DNAJC5B: variants seen among roughly 807,000 people sequenced by gnomAD.
DNAJC5B encodes dnaJ homolog subfamily C member 5B.
Under a neutral mutation model 24.7 loss-of-function variants are expected in DNAJC5B, and 23 were observed. The observed-to-expected ratio is 0.93, with a 90% CI of 0.67 to 1.32. DNAJC5B has a LOEUF of 1.32. Among genes scored for constraint, DNAJC5B ranks in the 40% most tolerant of loss-of-function variants. DNAJC5B has a pLI of 0.00. For synonymous variants in DNAJC5B, 101 were observed against 90.1 expected, an observed-to-expected ratio of 1.12 and a Z score of -0.68; for missense variants, 238 against 240.8, an observed-to-expected ratio of 0.99 and a Z score of 0.08.
intron 5 of DNAJC5B, among the ~76,000 whole-genome samples, chr8:66,086,976 T>TA (rs1229980732): frequency 1.3e-5 from 2 of 152,090 alleles, no homozygotes; most frequent in Non-Finnish European, 2.9e-5. Context: ...CTTACTATAC[T>TA]AAAAAATAAG....
At chr8:66,065,243 T>C (rs1188648592) in intron 3 of DNAJC5B, among the ~76,000 whole-genome samples, 5 of 152,206 alleles carry the variant, frequency 3.3e-5, no homozygotes, top group Admixed American at 6.5e-5. Flanking sequence ...GGTGACTGCA[T>C]CCCAGAAAAT....
intron 3 of DNAJC5B, among the ~76,000 whole-genome samples, chr8:66,053,747 G>A (rs192160003): frequency 2.6e-5 from 4 of 151,296 alleles, no homozygotes; most frequent in Admixed American, 6.6e-5. Flanking sequence ...CTCCTGCTTC[G>A]GTCTCCCGAG....
intron 3 of DNAJC5B, among the ~76,000 whole-genome samples, chr8:66,070,973 T>C (rs1279036808): frequency 6.6e-6 from 1 of 152,132 alleles, no homozygotes; most frequent in Non-Finnish European, 1.5e-5. Context: ...ATTTAATAAA[T>C]CGTGTTGGGA....
upstream of DNAJC5B, among the ~76,000 whole-genome samples, chr8:66,017,538 T>C (rs889728639): frequency 3.9e-5 from 6 of 152,250 alleles, no homozygotes; most frequent in African/African-American, 1.4e-4. Context: ...CGAATTTAGA[T>C]GTACTTTTTC....
chr8:66,036,172 G>A (rs1806480123), intron 1 of DNAJC5B, among the ~76,000 whole-genome samples: 1 of 152,182 alleles, frequency 6.6e-6, no homozygotes, highest in Non-Finnish European at 1.5e-5. Flanking sequence ...CTGAGAGGTG[G>A]AGGACATCTC....
chr8:66,038,039 G>A (rs1291161683), intron 1 of DNAJC5B, among the ~76,000 whole-genome samples: 1 of 152,218 alleles, frequency 6.6e-6, no homozygotes, highest in Non-Finnish European at 1.5e-5. Context: ...ACCTGGCCAC[G>A]AGGGGGTTCC....
At chr8:66,092,719 T>G (rs1205770628) in intron 5 of DNAJC5B, among the ~76,000 whole-genome samples, 2 of 152,188 alleles carry the variant, frequency 1.3e-5, no homozygotes, top group Admixed American at 6.5e-5. Flanking sequence ...GCATATTGCT[T>G]GGTTTTCCCT....
Position 66,100,272 on chromosome 8 carries a change from CT to C in DNAJC5B, c.*242del. 2.4e-6 allele frequency: 1 copy of C among 412,552 alleles called. No individual in the cohort carries two copies. The highest frequency in any genetic ancestry group is 4.4e-6 in the Non-Finnish European group (1 of 226,764). The allele number at this position is 412,552 out of a possible 1,614,324, so 25.6% of individuals were successfully genotyped here. On this transcript the variant is annotated 3_prime_UTR_variant, in exon 6 of 6. Transcript: ENST00000276570. ...TAAAGGCCTGAAGAGTTATTTTACCCTCCTTGCCTGATGTAGGACAGTGGAA... is the reference window on the plus strand; with the variant it reads ...TAAAGGCCTGAAGAGTTATTTTACCCCCTTGCCTGATGTAGGACAGTGGAA...
At chr8:66,096,846 A>G (rs1769795092) in intron 5 of DNAJC5B, among the ~76,000 whole-genome samples, 1 of 152,124 alleles carries the variant, frequency 6.6e-6, no homozygotes, top group Non-Finnish European at 1.5e-5. Context: ...ATTATCTTCA[A>G]TATAATGTAC....
chr8:66,048,318 G>A (rs1806768339), intron 2 of DNAJC5B, among the ~76,000 whole-genome samples: 1 of 152,198 alleles, frequency 6.6e-6, no homozygotes, highest in Non-Finnish European at 1.5e-5. Flanking sequence ...TGGGGTTGGG[G>A]GAAAGGGCAG....
chr8:66,086,219 T>C (rs1462837969), intron 5 of DNAJC5B, among the ~76,000 whole-genome samples: 2 of 152,208 alleles, frequency 1.3e-5, no homozygotes, highest in Admixed American at 6.5e-5. Flanking sequence ...CAGACAATTA[T>C]ATCATCTACA....
upstream of DNAJC5B, among the ~76,000 whole-genome samples, chr8:66,017,528 C>T (rs1805987052): frequency 6.6e-6 from 1 of 152,160 alleles, no homozygotes. Flanking sequence ...TAAAAAGACC[C>T]GAATTTAGAT....
At chr8:66,053,317 C>T (rs990932126) in intron 3 of DNAJC5B, among the ~76,000 whole-genome samples, 4 of 152,122 alleles carry the variant, frequency 2.6e-5, no homozygotes, top group African/African-American at 7.2e-5. Flanking sequence ...TTGTGATACT[C>T]TACCAGGAAG....
At chr8:66,021,347 T>C (rs1453574061), upstream of DNAJC5B, among the ~76,000 whole-genome samples, 2 of 152,170 alleles carry the variant, frequency 1.3e-5, no homozygotes, top group Admixed American at 1.3e-4. Context: ...GCAAAGGGAT[T>C]CTTCCCTGAG....
chr8:66,056,515 A>G (rs1232095850), intron 3 of DNAJC5B: 4 of 152,204 alleles, frequency 2.6e-5, no homozygotes, highest in Non-Finnish European at 5.9e-5. Context: ...GCTACTACCA[A>G]CAAGGAGTGT....
intron 1 of DNAJC5B, among the ~76,000 whole-genome samples, chr8:66,027,924 C>A (rs1280921193): frequency 6.6e-6 from 1 of 152,090 alleles, no homozygotes; most frequent in Non-Finnish European, 1.5e-5. Context: ...GTGACAACAG[C>A]AAAATAAAAT....
chr8:66,099,897 A>G, intron 5 of DNAJC5B, 40 bp from the exon 6 acceptor site: 1 of 1,572,844 alleles, frequency 6.4e-7, no homozygotes, highest in Non-Finnish European at 8.7e-7. Context: ...GAACTGTAAC[A>G]TGATGAGAGT....
intron 5 of DNAJC5B, among the ~76,000 whole-genome samples, chr8:66,096,389 G>C (rs1807953947): frequency 6.6e-6 from 1 of 152,164 alleles, no homozygotes; most frequent in African/African-American, 2.4e-5. Flanking sequence ...ACACAATTCT[G>C]TCCATAACAT....
At chr8:66,084,128 C>G (rs1250278591) in intron 5 of DNAJC5B, among the ~76,000 whole-genome samples, 1 of 152,192 alleles carries the variant, frequency 6.6e-6, no homozygotes, top group East Asian at 1.9e-4. Context: ...CACGTTTATA[C>G]TCCACTAATC....
Sources: gnomAD v4.1 joint callset for allele counts (sites outside exome capture counted in the v4.1 genomes callset) on GRCh38, gnomAD v4.1.1 for gene constraint, MANE v1.5 for transcripts, NCBI Gene and HGNC (gene_info 2026-07-23, HGNC 2026-07-21) for gene names.